Variants in ANGPT2 observed in about 807,000 individuals in gnomAD.
ANGPT2 encodes angiopoietin 2.
Under a neutral mutation model 62.9 loss-of-function variants are expected in ANGPT2, and 28 were observed. The observed-to-expected ratio is 0.44, with a 90% confidence interval of 0.33 to 0.61. The LOEUF (loss-of-function observed/expected upper bound fraction) is 0.61. Ranked by LOEUF, ANGPT2 falls within the 20% of genes least tolerant of loss-of-function variation. The pLI, the probability that ANGPT2 is intolerant of heterozygous loss-of-function variation, is 0.03. For synonymous variants in ANGPT2, 284 were observed against 207.8 expected, an observed-to-expected ratio of 1.37 and a Z score of -3.15; for missense variants, 727 against 594.9, an observed-to-expected ratio of 1.22 and a Z score of -2.31.
At chr8:6,523,613 G>A (rs904690841) in intron 3 of ANGPT2, among the ~76,000 whole-genome samples, 3 of 152,116 alleles carry the variant, frequency 2.0e-5, no homozygotes, top group African/African-American at 7.2e-5. Context: ...ATGGAGTCTC[G>A]GAGTCTCGCG....
intron 6 of ANGPT2, 113 bp from the exon 7 acceptor site, chr8:6,513,957 T>C: frequency 1.9e-6 from 2 of 1,033,624 alleles, no homozygotes; most frequent in South Asian, 3.7e-5. Context: ...AGAAATTCCT[T>C]CTGGTGCTGT....
Position 6,499,944 on chromosome 8 carries a change from G to A in ANGPT2, c.*3157C>T, listed in dbSNP as rs1353027553. 3 of 1,607,168 alleles carry A rather than the reference G, an allele frequency of 1.9e-6. No individual in the cohort carries two copies. The highest frequency in any genetic ancestry group is 1.3e-5 in the African/African-American group (1 of 74,784). ...CTGCAGCTCCCGTAAGTCAGATGTTGTTTTACGATGGTAAATGCAGTTTGC... is the reference window on the plus strand; with the variant it reads ...CTGCAGCTCCCGTAAGTCAGATGTTATTTTACGATGGTAAATGCAGTTTGC... On this transcript the variant is annotated 3_prime_UTR_variant, in exon 9 of 9. Coordinates refer to ENST00000629816, the MANE Select transcript of ANGPT2 (RefSeq NM_001118887.2).
At chr8:6,530,579 T>C (rs1819302998) in intron 2 of ANGPT2, among the ~76,000 whole-genome samples, 1 of 145,072 alleles carries the variant, frequency 6.9e-6, no homozygotes, top group Non-Finnish European at 1.5e-5. Context: ...AATAATTCGC[T>C]TTAGATATAT....
intron 1 of ANGPT2, among the ~76,000 whole-genome samples, chr8:6,553,640 A>T (rs1262376303): frequency 6.6e-6 from 1 of 152,032 alleles, no homozygotes; most frequent in Non-Finnish European, 1.5e-5. Context: ...GGGGCCAGAA[A>T]CAAAATCCCT....
chr8:6,561,642 G>C (rs962149820), intron 1 of ANGPT2, among the ~76,000 whole-genome samples: 2 of 152,234 alleles, frequency 1.3e-5, no homozygotes, highest in African/African-American at 4.8e-5. Flanking sequence ...TAAGCATTGT[G>C]ATGTAATGGC....
chr8:6,527,107 T>C (rs1818479056), intron 3 of ANGPT2, among the ~76,000 whole-genome samples: 1 of 152,224 alleles, frequency 6.6e-6, no homozygotes, highest in Non-Finnish European at 1.5e-5. Context: ...AAGTTAATAC[T>C]GAAATAAAAT....
At chr8:6,544,634 G>A (rs1212756748) in intron 1 of ANGPT2, among the ~76,000 whole-genome samples, 3 of 152,158 alleles carry the variant, frequency 2.0e-5, no homozygotes, top group African/African-American at 4.8e-5. Flanking sequence ...ACTTGGCCAT[G>A]AAATGAAGCG....
chr8:6,506,153 A>G (rs566023745), intron 8 of ANGPT2, among the ~76,000 whole-genome samples: 41 of 151,758 alleles, frequency 2.7e-4, no homozygotes, highest in African/African-American at 7.3e-5. Context: ...GTGAATGCAG[A>G]TTGGACGGAA....
At position 6,499,914 on chromosome 8, in the gene ANGPT2, C is replaced by G. The variant is rs202015253; in HGVS notation, c.*3187G>C. The G allele has an allele frequency of 1.0e-4, 169 of 1,613,686 alleles. 2 individuals are homozygous for G. Among genetic ancestry groups the G allele is most frequent in the South Asian group, 9.1e-4 (83 of 91,060 alleles). On this transcript the variant is annotated 3_prime_UTR_variant, in exon 9 of 9. Transcript: ENST00000629816. The stretch of plus-strand genomic sequence containing the variant: ...AGGAGCCGTTCGAACTGTCTCACCA[C>G]TTCCCTGCAGCTCCCGTAAGTCAGA...
chr8:6,529,342 T>C (rs1258044949), intron 2 of ANGPT2, among the ~76,000 whole-genome samples: 1 of 152,222 alleles, frequency 6.6e-6, no homozygotes, highest in East Asian at 1.9e-4. Context: ...AATTTTCAGA[T>C]TTGAATTTAA....
In ANGPT2 at chr8:6,500,377, G is replaced by C. The variant is rs148991003; in HGVS notation, c.*2724C>G. On this transcript the variant is annotated 3_prime_UTR_variant, in exon 9 of 9. Transcript: ENST00000629816. ...TTCAAATGCTTCATTGAAAAGTTCT[G>C]GGTTCTAATTTTTTTTAAGATTAAG... 318 of 159,466 alleles carry C rather than the reference G, an allele frequency of 2.0e-3. 1 individual carries two copies. Among genetic ancestry groups the C allele is most frequent in the African/African-American group, 7.3e-3 (302 of 41,556 alleles). The allele number at this position is 159,466 out of a possible 1,614,324, so 9.9% of individuals were successfully genotyped here.
Position 6,508,806 on chromosome 8 carries a change from A to G in ANGPT2, c.1327+126T>C, listed in dbSNP as rs1273451177. The G allele has an allele frequency of 1.6e-5, 21 of 1,302,950 alleles. 1 individual carries two copies. The Admixed American group carries it at 2.9e-4, about 18-fold the overall frequency. The allele number at this position is 1,302,950 out of a possible 1,614,324, so 80.7% of individuals were successfully genotyped here. A position where few individuals can be genotyped will look rare whatever the true frequency, so the allele number is the denominator to read the frequency against. ...AAAACACATTTACCTATATCAAGCT[A>G]GTGTGTCTACGTATGAAATTGTGGA... On this transcript the variant is annotated intron_variant, in intron 8 of 8. Transcript: ENST00000629816.
chr8:6,533,560 G>A (rs1347117289), intron 1 of ANGPT2, among the ~76,000 whole-genome samples: 1 of 117,364 alleles, frequency 8.5e-6, no homozygotes, highest in Non-Finnish European at 1.8e-5. Context: ...GATACTTAGC[G>A]TTTAGTTTCT....
chr8:6,519,893 T>C lies in ANGPT2; in HGVS notation c.898A>G (p.Thr300Ala), dbSNP rs766344540. 3 of 1,614,110 alleles carry C rather than the reference T, an allele frequency of 1.9e-6. No homozygotes were observed. The highest frequency in any genetic ancestry group is 2.5e-6 in the Non-Finnish European group (3 of 1,179,980). ...GHTTNGIYTL[T>A]FPNSTEEIKA... ...ATCTCTTCTGTAGAATTAGGGAATG[T>C]TAACGTGTAGATGCCATTCGTGGTG... The change falls in exon 5 of 9, where the codon ACA becomes GCA. Residue 300 changes from threonine to alanine, a missense_variant. Physicochemically the swap from Thr to Ala is moderately conservative, Grantham distance 58. Transcript: ENST00000629816.
intron 1 of ANGPT2, 69 bp downstream of exon 1, chr8:6,562,578 T>TTTTTTTTTTA: frequency 2.3e-6 from 2 of 880,188 alleles, no homozygotes; most frequent in Non-Finnish European, 3.1e-6. Flanking sequence ...TTTTGGTTGT[T>TTTTTTTTTTA]AAAACCTGAG....
At chr8:6,534,355 G>T (rs1381009391) in intron 1 of ANGPT2, among the ~76,000 whole-genome samples, 1 of 151,952 alleles carries the variant, frequency 6.6e-6, no homozygotes, top group Admixed American at 6.6e-5. Flanking sequence ...TAGGTTATAT[G>T]CAGATCTACC....
chr8:6,530,583 G>C (rs1336940920), intron 2 of ANGPT2, among the ~76,000 whole-genome samples: 1 of 147,900 alleles, frequency 6.8e-6, no homozygotes, highest in Non-Finnish European at 1.5e-5. Context: ...ATTCGCTTTA[G>C]ATATATATTG....
chr8:6,506,808 C>A (rs1014002789), intron 8 of ANGPT2, among the ~76,000 whole-genome samples: 1 of 147,108 alleles, frequency 6.8e-6, no homozygotes, highest in Admixed American at 6.8e-5. Context: ...AGGCCTGATT[C>A]TTTCAGCATA....
chr8:6,510,163 T>TC (rs1202575211), intron 7 of ANGPT2, among the ~76,000 whole-genome samples: 2 of 151,308 alleles, frequency 1.3e-5, no homozygotes, highest in Non-Finnish European at 3.0e-5. Flanking sequence ...TTTTTCTTTT[T>TC]TTTTTTTTAT....
Sources: gnomAD v4.1 joint callset for allele counts (sites outside exome capture counted in the v4.1 genomes callset) on GRCh38, gnomAD v4.1.1 for gene constraint, MANE v1.5 for transcripts, NCBI Gene and HGNC (gene_info 2026-07-23, HGNC 2026-07-21) for gene names.